The following STAG1 variants were observed in gnomAD, a reference collection of about 807,000 sequenced individuals.
STAG1 encodes the protein STAG1 cohesin complex component, also known as cohesin subunit SA-1.
STAG1 carries 26 observed loss-of-function variants against 170.9 expected under a neutral mutation model. The ratio of observed to expected loss-of-function variants is 0.15; its 90% confidence interval spans 0.11 to 0.21. The LOEUF (loss-of-function observed/expected upper bound fraction) is 0.21, where lower values mean the gene tolerates loss of function less well. STAG1 is among the 10% of genes least tolerant of loss of function. The pLI, the probability that STAG1 is intolerant of heterozygous loss-of-function variation, is 1.00. For synonymous variants in STAG1, 514 were observed against 497.7 expected (o/e 1.03, Z -0.44); for missense variants, 964 against 1,509.5 (o/e 0.64, Z 5.99).
chr3:136,371,046 C>T (rs1166908382), intron 23 of STAG1, among the ~76,000 whole-genome samples: 1 of 152,100 alleles, frequency 6.6e-6, no homozygotes, highest in Admixed American at 6.5e-5. Context: ...TTAATGATCG[C>T]CATTCTAACT....
chr3:136,532,931 G>A (rs1935448948), intron 6 of STAG1, among the ~76,000 whole-genome samples: 1 of 152,062 alleles, frequency 6.6e-6, no homozygotes, highest in Non-Finnish European at 1.5e-5. Flanking sequence ...AATCAGGTAA[G>A]AGAAAAAACA....
chr3:136,393,590 C>CTTTTTTTT (rs774648941), intron 22 of STAG1, among the ~76,000 whole-genome samples: 50 of 130,138 alleles, frequency 3.8e-4, no homozygotes, highest in African/African-American at 1.4e-3. Context: ...TACGCTTCAT[C>CTTTTTTTT]TTTTTTTTTT....
chr3:136,399,739 A>G (rs1281022467), intron 21 of STAG1, among the ~76,000 whole-genome samples: 1 of 152,092 alleles, frequency 6.6e-6, no homozygotes, highest in African/African-American at 2.4e-5. Context: ...CAGAGTTTTT[A>G]GTTCTCAGGA....
At chr3:136,655,895 C>T (rs1451691759) in intron 1 of STAG1, among the ~76,000 whole-genome samples, 1 of 152,148 alleles carries the variant, frequency 6.6e-6, no homozygotes, top group Admixed American at 6.5e-5. Context: ...AATAGACTTA[C>T]CATACAATCC....
intron 29 of STAG1, among the ~76,000 whole-genome samples, chr3:136,344,388 G>C (rs1160432805): frequency 1.3e-5 from 2 of 151,998 alleles, no homozygotes; most frequent in African/African-American, 4.8e-5. Flanking sequence ...AGCAATAAAG[G>C]GCCTATTTCC....
At chr3:136,477,581 C>A (rs184346533) in intron 9 of STAG1, among the ~76,000 whole-genome samples, 169 bp from the exon 10 acceptor site, 1 of 151,956 alleles carries the variant, frequency 6.6e-6, no homozygotes, top group Non-Finnish European at 1.5e-5. Context: ...ATAAAATAAA[C>A]ACTAATAATA....
chr3:136,370,848 T>A (rs531208606), intron 23 of STAG1, among the ~76,000 whole-genome samples: 1 of 152,250 alleles, frequency 6.6e-6, no homozygotes, highest in African/African-American at 2.4e-5. Context: ...TATAGCAGCA[T>A]GATTTATAAT....
chr3:136,679,456 C>T (rs1192430823), intron 1 of STAG1, among the ~76,000 whole-genome samples: 2 of 151,988 alleles, frequency 1.3e-5, no homozygotes, highest in Non-Finnish European at 2.9e-5. Context: ...GGGCCGGGTG[C>T]GGTGGCTCAC....
At chr3:136,719,375 G>T (rs1398483513) in intron 1 of STAG1, among the ~76,000 whole-genome samples, 3 of 151,854 alleles carry the variant, frequency 2.0e-5, no homozygotes, top group African/African-American at 7.3e-5. Context: ...ACTACAAATG[G>T]GCACAGATTT....
chr3:136,642,335 G>C (rs1407319005), intron 1 of STAG1, among the ~76,000 whole-genome samples: 1 of 134,268 alleles, frequency 7.4e-6, no homozygotes, highest in Non-Finnish European at 1.5e-5. Context: ...ACAGTAGCGC[G>C]ATCTTAGCTC....
At chr3:136,381,028 A>C (rs1937928097) in intron 22 of STAG1, among the ~76,000 whole-genome samples, 1 of 149,976 alleles carries the variant, frequency 6.7e-6, no homozygotes, top group Non-Finnish European at 1.5e-5. Context: ...TGTCTCGAAA[A>C]AAAAAAAAGA....
chr3:136,601,527 G>A (rs1196230459), intron 4 of STAG1, among the ~76,000 whole-genome samples: 6 of 152,116 alleles, frequency 3.9e-5, no homozygotes, highest in East Asian at 3.9e-4. Context: ...AGTTTCAGCC[G>A]AAGACAGCTG....
At chr3:136,525,559 T>C (rs982669061) in intron 6 of STAG1, among the ~76,000 whole-genome samples, 3 of 152,320 alleles carry the variant, frequency 2.0e-5, no homozygotes, top group South Asian at 4.1e-4. Flanking sequence ...CCTAGATTCA[T>C]TAATTTTTTG....
intron 13 of STAG1, among the ~76,000 whole-genome samples, chr3:136,458,163 T>A (rs1391932270): frequency 6.7e-6 from 1 of 150,084 alleles, no homozygotes; most frequent in Non-Finnish European, 1.5e-5. Flanking sequence ...GTTTGTTTGT[T>A]TGTTTTGTTT....
At chr3:136,593,732 A>C (rs1011901360) in intron 4 of STAG1, among the ~76,000 whole-genome samples, 1 of 152,216 alleles carries the variant, frequency 6.6e-6, no homozygotes, top group Non-Finnish European at 1.5e-5. Context: ...TTAGAATATT[A>C]TATGATTTTA....
intron 9 of STAG1, among the ~76,000 whole-genome samples, chr3:136,496,125 C>T (rs1170092244): frequency 1.3e-5 from 2 of 151,896 alleles, no homozygotes; most frequent in Non-Finnish European, 2.9e-5. Context: ...GCCTGGGCAA[C>T]AAGAGGGAGA....
In STAG1 at chr3:136,633,010, T is replaced by C. The variant is rs555357374; in HGVS notation, c.-83-2029A>G. ...ATAAAGACAGTCTTGGCAAAAGTAG[T>C]TGGGGGAGGGCGGGGAATCACTAAA... On this transcript the variant is annotated intron_variant, in intron 1 of 33. Coordinates refer to ENST00000383202, the MANE Select transcript of STAG1 (RefSeq NM_005862.3). Among the ~76,000 whole-genome samples the C allele has an allele frequency of 7.3e-5, 11 of 150,876 alleles. No individual in the cohort carries two copies. In the South Asian group the frequency reaches 2.1e-3, roughly 29 times the overall value.
At position 136,453,026 on chromosome 3, in the gene STAG1, G is replaced by C. The variant is rs146630666; in HGVS notation, c.1314-879C>G. 7.1e-3 allele frequency among the ~76,000 whole-genome samples: 1,084 copies of C among 152,180 alleles called. 22 individuals are homozygous for C. The highest frequency in any genetic ancestry group is 0.024 in the African/African-American group (977 of 41,538). On this transcript the variant is annotated intron_variant, in intron 13 of 33. Transcript: ENST00000383202. ...GCTGGTCTCGAACTCCTGACCTCAA[G>C]TGATACCCCTGCCTTGGCCCTAAGT... is the stretch of plus-strand genomic sequence containing the variant.
At chr3:136,579,548 T>C (rs1937546990) in intron 4 of STAG1, among the ~76,000 whole-genome samples, 1 of 152,236 alleles carries the variant, frequency 6.6e-6, no homozygotes, top group Non-Finnish European at 1.5e-5. Context: ...TCCTGCTGGC[T>C]AATGGCTAGA....
Sources: gnomAD v4.1 joint callset for allele counts (sites outside exome capture counted in the v4.1 genomes callset) on GRCh38, gnomAD v4.1.1 for gene constraint, MANE v1.5 for transcripts, NCBI Gene and HGNC (gene_info 2026-07-23, HGNC 2026-07-21) for gene names.